ZC3H6: variants seen among roughly 807,000 people sequenced by gnomAD.
ZC3H6 encodes the protein zinc finger CCCH domain-containing protein 6.
A neutral mutation model predicts 107.7 loss-of-function variants in ZC3H6; 40 were observed. That is an observed-to-expected ratio of 0.37 (90% CI 0.29 to 0.48). The LOEUF (loss-of-function observed/expected upper bound fraction) is 0.48, where lower values mean the gene tolerates loss of function less well. Ranked by LOEUF, ZC3H6 falls within the 20% of genes least tolerant of loss-of-function variation. ZC3H6 has a pLI of 0.98. For synonymous variants in ZC3H6, 493 were observed against 487.9 expected (o/e 1.01, Z -0.14); for missense variants, 1,267 against 1,410.4 (o/e 0.90, Z 1.63).
chr2:112,310,876 T>C (rs1206159889), intron 4 of ZC3H6, among the ~76,000 whole-genome samples: 1 of 152,242 alleles, frequency 6.6e-6, no homozygotes, highest in African/African-American at 2.4e-5. Context: ...TAAATTTGGT[T>C]ATTTCTATGA....
rs1410069327 is a variant in ZC3H6, at chr2:112,338,251, G to A, written c.*5763G>A. On this transcript the variant is annotated 3_prime_UTR_variant, in exon 12 of 12. Coordinates refer to ENST00000409871, the MANE Select transcript of ZC3H6 (RefSeq NM_198581.3). ...AGGCGTGAGCCACTGTGCCTGGCCAGTCTTTTATTTTAAAATAAATACTTA... is the reference window on the plus strand; with the variant it reads ...AGGCGTGAGCCACTGTGCCTGGCCAATCTTTTATTTTAAAATAAATACTTA... 1 of 152,128 alleles carries A rather than the reference G, an allele frequency of 6.6e-6. No homozygotes were observed. The highest frequency in any genetic ancestry group is 1.5e-5 in the Non-Finnish European group (1 of 68,034). 9.4% of individuals were successfully genotyped at this position (152,128 alleles called of 1,614,324 possible). A position where few individuals can be genotyped will look rare whatever the true frequency, so the allele number is the denominator to read the frequency against.
chr2:112,321,838 T>G lies in ZC3H6; in HGVS notation c.1059T>G (p.Thr353=), dbSNP rs760348358. ...GTAAATTTTCCCATGATGATCTAAC[T>G]AAAGAAACAAAGAAACTTTTGGACA... The part of the protein sequence containing the change: ...DNCKFSHDDL[T]KETKKLLDKV... Residue 353 remains threonine (T), a synonymous_variant, in exon 8 of 12, where the codon ACT becomes ACG. Coordinates refer to ENST00000409871, the MANE Select transcript of ZC3H6 (RefSeq NM_198581.3). The G allele has an allele frequency of 6.5e-7, 1 of 1,528,728 alleles. No homozygotes were observed. The highest frequency in any genetic ancestry group is 1.7e-4 in the Middle Eastern group (1 of 5,802). 94.7% of individuals were successfully genotyped at this position (1,528,728 alleles called of 1,614,324 possible). A position where few individuals can be genotyped will look rare whatever the true frequency, so the allele number is the denominator to read the frequency against.
In ZC3H6 at chr2:112,338,895, ATATATATATATATATAT is replaced by A. The variant is rs1677191687; in HGVS notation, c.*6408_*6424del. 1 of 18,074 alleles carries A rather than the reference ATATATATATATATATAT, an allele frequency of 5.5e-5. No homozygotes were observed. The highest frequency in any genetic ancestry group is 7.9e-5 in the Non-Finnish European group (1 of 12,648). 1.1% of individuals were successfully genotyped at this position (18,074 alleles called of 1,614,324 possible). On this transcript the variant is annotated 3_prime_UTR_variant, in exon 12 of 12. Transcript: ENST00000409871. ...TATATATATATATATATATATATAT[ATATATATATATATATAT>A]AATTTTTTTTTTTTGAGACGGAGTC...
chr2:112,276,092 G>A, intron 1 of ZC3H6, 66 bp downstream of exon 1: 2 of 1,473,266 alleles, frequency 1.4e-6, no homozygotes, highest in Admixed American at 2.1e-5. Flanking sequence ...GCGGGAGCGG[G>A]CCGGGGCCGG....
Position 112,280,374 on chromosome 2 carries a change from A to G in ZC3H6, c.32+4348A>G, listed in dbSNP as rs1686504783. On this transcript the variant is annotated intron_variant, in intron 1 of 11. Coordinates refer to ENST00000409871, the MANE Select transcript of ZC3H6 (RefSeq NM_198581.3). ...GGTCTCAGGTTTGATGTTGTAAAGC[A>G]CTCTGACTCTCAGGAAGACTCTTTT... 2.6e-5 allele frequency among the ~76,000 whole-genome samples: 4 copies of G among 152,284 alleles called. No homozygotes were observed. The South Asian group carries it at 6.2e-4, about 24-fold the overall frequency.
In ZC3H6 at chr2:112,338,897, A is replaced by G. The variant is rs1437319624; in HGVS notation, c.*6409A>G. Reference sequence around the variant, plus strand: ...TATATATATATATATATATATATATATATATATATATATATAATTTTTTTT... The same window carrying G: ...TATATATATATATATATATATATATGTATATATATATATATAATTTTTTTT... On this transcript the variant is annotated 3_prime_UTR_variant, in exon 12 of 12. Transcript: ENST00000409871. 8.6e-5 allele frequency: 4 copies of G among 46,322 alleles called. No homozygotes were observed. The highest frequency in any genetic ancestry group is 1.2e-4 in the African/African-American group (1 of 8,578). The allele number at this position is 46,322 out of a possible 1,614,324, so 2.9% of individuals were successfully genotyped here.
rs1677028040 is a variant in ZC3H6 at position 112,331,330 on chromosome 2, G to A, written c.2412G>A (p.Lys804=). ...TAGGCTCTTCTGTTGGTGGAGCAAA[G>A]TTTGATTTGCATCATGCAAATGCTG... ...GHIGSSVGGA[K]FDLHHANAGT... The change falls in exon 12 of 12, where the codon AAG becomes AAA. Residue 804 remains lysine, a synonymous_variant. Coordinates refer to ENST00000409871, the MANE Select transcript of ZC3H6 (RefSeq NM_198581.3). 6.2e-7 allele frequency: 1 copy of A among 1,613,550 alleles called. No individual in the cohort carries two copies. The highest frequency in any genetic ancestry group is 1.3e-5 in the African/African-American group (1 of 74,914).
intron 3 of ZC3H6, among the ~76,000 whole-genome samples, chr2:112,307,437 A>G (rs1370607766): frequency 6.6e-6 from 1 of 152,024 alleles, no homozygotes; most frequent in Non-Finnish European, 1.5e-5. Context: ...CCAAATAATC[A>G]GTTGGCAAAG....
chr2:112,276,335 C>G (rs1471730458), intron 1 of ZC3H6, among the ~76,000 whole-genome samples: 1 of 151,160 alleles, frequency 6.6e-6, no homozygotes, highest in Non-Finnish European at 1.5e-5. Context: ...CGTCCCGGCT[C>G]GGTGCTGAGG....
In ZC3H6 at chr2:112,317,340, T is replaced by G. The variant is rs1273092217; in HGVS notation, c.976+8T>G. The G allele has an allele frequency of 2.9e-6, 4 of 1,363,022 alleles. 1 individual carries two copies. The South Asian group carries it at 5.5e-5, about 19-fold the overall frequency. The allele number at this position is 1,363,022 out of a possible 1,614,324, so 84.4% of individuals were successfully genotyped here. On this transcript the variant is annotated splice_region_variant and intron_variant, in intron 7 of 11. Coordinates refer to ENST00000409871, the MANE Select transcript of ZC3H6 (RefSeq NM_198581.3). ...ACTGCATTTATATGCATAATATCCT[T>G]TATTTAAAATGTATGTTAAATAAAA...
At chr2:112,289,267 G>A (rs1181187502) in intron 1 of ZC3H6, among the ~76,000 whole-genome samples, 1 of 151,260 alleles carries the variant, frequency 6.6e-6, no homozygotes, top group Non-Finnish European at 1.5e-5. Context: ...CAAAGTGCTA[G>A]GGTTACAGGC....
At position 112,316,484 on chromosome 2, in the gene ZC3H6, G is replaced by A. The variant is rs777102770; in HGVS notation, c.762G>A (p.Gly254=). 3.0e-5 allele frequency: 48 copies of A among 1,603,812 alleles called. No individual in the cohort carries two copies. The highest frequency in any genetic ancestry group is 3.9e-5 in the Non-Finnish European group (46 of 1,176,086). ...SDDFQEYNKP[G]KKWKVMTQEF... ...TTTTCTTGCAGTATAATAAACCAGGGAAAAAATGGAAGGTTATGACTCAGG... is the reference window on the plus strand; with the variant it reads ...TTTTCTTGCAGTATAATAAACCAGGAAAAAAATGGAAGGTTATGACTCAGG... Residue 254 remains glycine, a synonymous_variant, in exon 6 of 12, where the codon GGG becomes GGA. Transcript: ENST00000409871.
Position 112,331,791 on chromosome 2 carries a change from C to T in ZC3H6, c.2873C>T (p.Ala958Val), listed in dbSNP as rs1249413418. 9 of 1,613,592 alleles carry T rather than the reference C, an allele frequency of 5.6e-6. No homozygotes were observed. The highest frequency in any genetic ancestry group is 7.6e-6 in the Non-Finnish European group (9 of 1,179,840). The change falls in exon 12 of 12, where the codon GCT (alanine) becomes GTT (valine). Residue 958 changes from alanine to valine, a missense_variant. Transcript: ENST00000409871. ...TTTGGAGACTCACACGGTTCAGGAG[C>T]TAAATTAGGAGATCCTAGACTACAA... ...EQFGDSHGSG[A>V]KLGDPRLQKN... is the part of the protein sequence containing the mutation.
chr2:112,333,388 A>G lies in ZC3H6; in HGVS notation c.*900A>G, dbSNP rs1677075794. The stretch of plus-strand genomic sequence containing the variant: ...AGTCTGTAGTGATTATTACACGGAT[A>G]ATGTTTTAAATGTCTAGGTTCTGTA... On this transcript the variant is annotated 3_prime_UTR_variant, in exon 12 of 12. Coordinates refer to ENST00000409871, the MANE Select transcript of ZC3H6 (RefSeq NM_198581.3). The G allele has an allele frequency of 6.6e-6, 1 of 152,528 alleles. No individual in the cohort carries two copies. The highest frequency in any genetic ancestry group is 6.5e-5 in the Admixed American group (1 of 15,274). 9.4% of individuals were successfully genotyped at this position (152,528 alleles called of 1,614,324 possible).
intron 2 of ZC3H6, among the ~76,000 whole-genome samples, chr2:112,301,404 G>T (rs1163649897): frequency 6.6e-6 from 1 of 152,150 alleles, no homozygotes; most frequent in Admixed American, 6.5e-5. Flanking sequence ...GATAACAAAT[G>T]GGGGAAGGAA....
chr2:112,324,292 TGCACCCAGGCTCCCCTGGACA>T lies in ZC3H6; in HGVS notation c.1482_1502del (p.Met494_His501delinsIle). 6.2e-7 allele frequency: 1 copy of T among 1,614,020 alleles called. No homozygotes were observed. Among genetic ancestry groups the T allele is most frequent in the Non-Finnish European group, 8.5e-7 (1 of 1,179,868 alleles). ...TCTCAGGGACACAGTAGTCCTGTGA[TGCACCCAGGCTCCCCTGGACA>T]TCACCCATGTGCAGGACCTCCTGGT... On this transcript the variant is annotated inframe_deletion, in exon 10 of 12. Transcript: ENST00000409871.
intron 11 of ZC3H6, among the ~76,000 whole-genome samples, chr2:112,325,415 A>G (rs1426635787): frequency 6.6e-6 from 1 of 152,174 alleles, no homozygotes; most frequent in East Asian, 1.9e-4. Flanking sequence ...AATCGCTTCA[A>G]CTTGGGAGGC....
At chr2:112,301,846 C>T (rs1234660133) in intron 2 of ZC3H6, among the ~76,000 whole-genome samples, 1 of 151,334 alleles carries the variant, frequency 6.6e-6, no homozygotes, top group Admixed American at 6.6e-5. Flanking sequence ...TATCATTGAC[C>T]AAACTTATCA....
intron 9 of ZC3H6, 92 bp downstream of exon 9, chr2:112,322,994 TA>T: frequency 7.3e-7 from 1 of 1,372,272 alleles, no homozygotes; most frequent in South Asian, 1.4e-5. Context: ...ATCATGTAAT[TA>T]AACTTGGTTA....
Sources: gnomAD v4.1 joint callset for allele counts (sites outside exome capture counted in the v4.1 genomes callset) on GRCh38, gnomAD v4.1.1 for gene constraint, MANE v1.5 for transcripts, NCBI Gene and HGNC (gene_info 2026-07-23, HGNC 2026-07-21) for gene names.